Variants in COBL observed in about 807,000 individuals in gnomAD.
The protein encoded by COBL is cordon-bleu WH2 repeat protein, also known as protein cordon-bleu.
COBL carries 51 observed loss-of-function variants against 98.8 expected under a neutral mutation model. The ratio of observed to expected loss-of-function variants is 0.52; its 90% CI spans 0.41 to 0.65. The LOEUF is 0.65. Among genes scored for constraint, COBL ranks in the 30% least tolerant of loss-of-function variants. COBL has a pLI of 0.00. For synonymous variants in COBL, 634 were observed against 651.7 expected, an observed-to-expected ratio of 0.97 and a Z score of 0.41; for missense variants, 1,617 against 1,617.5, an observed-to-expected ratio of 1.00 and a Z score of 0.01.
chr7:51,184,789 A>ACAC (rs1789333889), intron 4 of COBL, among the ~76,000 whole-genome samples: 1 of 152,172 alleles, frequency 6.6e-6, no homozygotes, highest in Non-Finnish European at 1.5e-5. Context: ...CAGCTCTAAG[A>ACAC]CTGCGACATC....
At chr7:51,297,613 G>A (rs907714946) in intron 1 of COBL, among the ~76,000 whole-genome samples, 1 of 151,960 alleles carries the variant, frequency 6.6e-6, no homozygotes, top group East Asian at 1.9e-4. Flanking sequence ...GACTGGTCTC[G>A]AACTCCTGAC....
chr7:51,072,340 G>A (rs556534000), intron 7 of COBL: 1 of 152,318 alleles, frequency 6.6e-6, no homozygotes, highest in East Asian at 1.9e-4. Flanking sequence ...TTGGGACAAT[G>A]CAGTTGAGGT....
chr7:51,061,131 TA>T (rs1791310596), intron 7 of COBL, among the ~76,000 whole-genome samples: 1 of 152,190 alleles, frequency 6.6e-6, no homozygotes, highest in African/African-American at 2.4e-5. Context: ...ACAGAATGGG[TA>T]GAAGACATTA....
At chr7:51,316,113 G>A (rs546813453) in intron 1 of COBL, among the ~76,000 whole-genome samples, 1 of 152,306 alleles carries the variant, frequency 6.6e-6, no homozygotes, top group East Asian at 1.9e-4. Context: ...ACGCTGCCGG[G>A]AGAGCCGATC....
At chr7:51,118,245 A>G (rs1202487826) in intron 6 of COBL, among the ~76,000 whole-genome samples, 1 of 152,128 alleles carries the variant, frequency 6.6e-6, no homozygotes, top group African/African-American at 2.4e-5. Flanking sequence ...TTTAAACACA[A>G]ACACACACAT....
chr7:51,222,706 G>A (rs1458537134), intron 1 of COBL, among the ~76,000 whole-genome samples: 1 of 150,908 alleles, frequency 6.6e-6, no homozygotes, highest in Non-Finnish European at 1.5e-5. Context: ...CCTCCCAAAG[G>A]TGTTTTCAGG....
intron 7 of COBL, among the ~76,000 whole-genome samples, chr7:51,069,462 A>G (rs910103988): frequency 6.6e-6 from 1 of 152,258 alleles, no homozygotes; most frequent in Non-Finnish European, 1.5e-5. Flanking sequence ...TGGGCTCCGC[A>G]GTGCATGGCA....
chr7:51,186,517 G>C (rs773624621), intron 4 of COBL, among the ~76,000 whole-genome samples: 1 of 152,212 alleles, frequency 6.6e-6, no homozygotes, highest in Non-Finnish European at 1.5e-5. Flanking sequence ...CTAGCCTGTT[G>C]TTTCTCTTCT....
chr7:51,178,374 T>C (rs936476774), intron 5 of COBL, among the ~76,000 whole-genome samples: 25 of 152,186 alleles, frequency 1.6e-4, no homozygotes, highest in African/African-American at 1.4e-4. Flanking sequence ...ATAGAAAACT[T>C]ATCTGTGTGG....
chr7:51,131,923 T>C (rs1199566244), intron 6 of COBL, among the ~76,000 whole-genome samples: 1 of 152,098 alleles, frequency 6.6e-6, no homozygotes, highest in East Asian at 1.9e-4. Flanking sequence ...CTATCAGGAC[T>C]GAAAGGGATG....
chr7:51,286,279 T>C (rs1000423264), intron 1 of COBL, among the ~76,000 whole-genome samples: 4 of 151,482 alleles, frequency 2.6e-5, no homozygotes, highest in African/African-American at 9.7e-5. Context: ...TAATTAAAAT[T>C]TTCTACTCTT....
chr7:51,207,236 CA>C (rs999206807), intron 2 of COBL, among the ~76,000 whole-genome samples: 31 of 146,824 alleles, frequency 2.1e-4, no homozygotes, highest in African/African-American at 6.8e-4. Context: ...GTACAGCGGA[CA>C]TTTTTTTTTT....
intron 5 of COBL, among the ~76,000 whole-genome samples, chr7:51,168,563 TGA>T (rs1360233228): frequency 1.3e-5 from 2 of 152,158 alleles, no homozygotes; most frequent in African/African-American, 4.8e-5. Flanking sequence ...AAAATTACAA[TGA>T]GATATCCTTT....
At chr7:51,271,239 C>T (rs1241825143) in intron 1 of COBL, among the ~76,000 whole-genome samples, 2 of 152,206 alleles carry the variant, frequency 1.3e-5, no homozygotes, top group African/African-American at 2.4e-5. Context: ...TGATTCCTGA[C>T]CCACAGGATA....
At chr7:51,305,681 A>G (rs1802392989) in intron 1 of COBL, among the ~76,000 whole-genome samples, 1 of 152,156 alleles carries the variant, frequency 6.6e-6, no homozygotes. Flanking sequence ...CAAGAACACC[A>G]GCTCATTCAC....
At chr7:51,308,176 A>G (rs993871805) in intron 1 of COBL, among the ~76,000 whole-genome samples, 2 of 152,172 alleles carry the variant, frequency 1.3e-5, no homozygotes, top group African/African-American at 4.8e-5. Context: ...ACACTAGTGG[A>G]TTTTGCACTT....
At chr7:51,026,411 TG>T in intron 11 of COBL, 134 bp downstream of exon 11, 2 of 1,211,346 alleles carry the variant, frequency 1.7e-6, no homozygotes, top group Non-Finnish European at 2.3e-6. Flanking sequence ...CAGGCTGGGA[TG>T]GCCACTCTAA....
chr7:51,203,241 T>TTAAAA lies in COBL; in HGVS notation c.246-9653_246-9652insTTTTA, dbSNP rs1442683206. ...CTCTTGGGAGGCCGAGGCGGGCGGATCACGAGGTCAGGAGATCGAGACCAT... is the reference window on the plus strand; with the variant it reads ...CTCTTGGGAGGCCGAGGCGGGCGGATTAAAACACGAGGTCAGGAGATCGAGACCAT... On this transcript the variant is annotated intron_variant, in intron 2 of 12. Coordinates refer to ENST00000265136, the MANE Select transcript of COBL (RefSeq NM_015198.5). 1.4e-4 allele frequency among the ~76,000 whole-genome samples: 16 copies of TTAAAA among 116,068 alleles called. 1 individual carries two copies. Among genetic ancestry groups the TTAAAA allele is most frequent in the Admixed American group, 4.0e-4 (5 of 12,384 alleles). The allele number at this position is 116,068 out of a possible 152,430, so 76.1% of individuals were successfully genotyped here. A position where few individuals can be genotyped will look rare whatever the true frequency, so the allele number is the denominator to read the frequency against.
chr7:51,081,829 TG>T (rs1793692749), intron 7 of COBL, among the ~76,000 whole-genome samples: 1 of 152,054 alleles, frequency 6.6e-6, no homozygotes, highest in African/African-American at 2.4e-5. Context: ...CTCATGGCCT[TG>T]GTGTGTGGGG....
Sources: allele counts gnomAD v4.1 joint callset (sites outside exome capture counted in the v4.1 genomes callset), GRCh38; gene constraint gnomAD v4.1.1; transcripts MANE v1.5; gene names NCBI Gene and HGNC (gene_info 2026-07-23, HGNC 2026-07-21).